The following ZDHHC14 variants were observed in gnomAD, a reference collection of about 807,000 sequenced individuals.
The protein encoded by ZDHHC14 is palmitoyltransferase ZDHHC14.
In ZDHHC14, 16 loss-of-function variants were observed where a neutral mutation model predicts 47.7. The observed-to-expected ratio is 0.34, with a 90% confidence interval of 0.23 to 0.51. ZDHHC14 has a LOEUF of 0.51. Ranked by LOEUF, ZDHHC14 falls within the 20% of genes least tolerant of loss-of-function variation. The probability of loss-of-function intolerance (pLI) is 0.97; values close to 1 mark genes in which losing one functional copy is unlikely to be tolerated. For synonymous variants in ZDHHC14, 293 were observed against 278.9 expected (o/e 1.05, Z -0.50); for missense variants, 515 against 662.5 (o/e 0.78, Z 2.44).
chr6:157,522,085 T>C (rs34061593), intron 1 of ZDHHC14, among the ~76,000 whole-genome samples: 87,210 of 151,750 alleles, frequency 0.57, 25,553 homozygotes, highest in African/African-American at 0.69. Flanking sequence ...TGGTGGTGAA[T>C]TTGCCCTTCT....
intron 2 of ZDHHC14, among the ~76,000 whole-genome samples, chr6:157,591,249 G>T (rs968144576): frequency 6.6e-6 from 1 of 152,180 alleles, no homozygotes; most frequent in African/African-American, 2.4e-5. Flanking sequence ...GAGGACATGA[G>T]ATTTGGGAGG....
chr6:157,555,966 C>T (rs185221084), intron 2 of ZDHHC14, among the ~76,000 whole-genome samples: 497 of 152,246 alleles, frequency 3.3e-3, no homozygotes, highest in African/African-American at 0.011. Context: ...CACGGGAGGC[C>T]TCTGGAGGAC....
chr6:157,591,609 C>T (rs930842322), intron 2 of ZDHHC14, among the ~76,000 whole-genome samples: 6 of 152,164 alleles, frequency 3.9e-5, no homozygotes, highest in African/African-American at 1.4e-4. Context: ...TCAGGTATGT[C>T]TTTATTGGCA....
intron 1 of ZDHHC14, among the ~76,000 whole-genome samples, chr6:157,431,652 T>C (rs1778340509): frequency 6.6e-6 from 1 of 152,142 alleles, no homozygotes; most frequent in Admixed American, 6.5e-5. Context: ...AAATTTGATC[T>C]GAACCAAACA....
chr6:157,592,780 A>G (rs1783963844), intron 2 of ZDHHC14: 1 of 1,378,894 alleles, frequency 7.3e-7, no homozygotes, highest in African/African-American at 1.5e-5. Flanking sequence ...GAGCTCAGTC[A>G]CGTGGCCCCT....
At chr6:157,445,338 C>T (rs1239487190) in intron 1 of ZDHHC14, among the ~76,000 whole-genome samples, 1 of 152,104 alleles carries the variant, frequency 6.6e-6, no homozygotes, top group Non-Finnish European at 1.5e-5. Flanking sequence ...AGACAAGAGC[C>T]ATCACGGTTT....
chr6:157,411,114 G>A (rs1448917312), intron 1 of ZDHHC14, among the ~76,000 whole-genome samples: 1 of 152,168 alleles, frequency 6.6e-6, no homozygotes, highest in Admixed American at 6.5e-5. Flanking sequence ...CCATTTTCTG[G>A]ATCCCACCTT....
intron 1 of ZDHHC14, among the ~76,000 whole-genome samples, chr6:157,429,268 T>C (rs1333140791): frequency 6.6e-6 from 1 of 152,152 alleles, no homozygotes; most frequent in East Asian, 1.9e-4. Context: ...CTGGTCAGAA[T>C]GGAGAATAGA....
intron 1 of ZDHHC14, among the ~76,000 whole-genome samples, chr6:157,416,985 T>TG (rs1416158198): frequency 1.5e-5 from 2 of 133,630 alleles, no homozygotes; most frequent in African/African-American, 2.8e-5. Context: ...TTTTTTTTTT[T>TG]TTTTTTTTTT....
chr6:157,472,471 C>T (rs1028936175), intron 1 of ZDHHC14, among the ~76,000 whole-genome samples: 1 of 152,036 alleles, frequency 6.6e-6, no homozygotes, highest in Admixed American at 6.5e-5. Context: ...GCTGCTTGAC[C>T]TAGTAAATAA....
chr6:157,583,489 G>GTT (rs75893523), intron 2 of ZDHHC14, among the ~76,000 whole-genome samples: 9 of 147,728 alleles, frequency 6.1e-5, no homozygotes, highest in Admixed American at 1.3e-4. Flanking sequence ...TACCAAAGGT[G>GTT]TTTTTTTTTT....
At chr6:157,613,494 T>A (rs550980744) in intron 3 of ZDHHC14, among the ~76,000 whole-genome samples, 53 of 152,302 alleles carry the variant, frequency 3.5e-4, no homozygotes, top group Middle Eastern at 6.8e-3. Flanking sequence ...TCCATTGACT[T>A]ATGCCGGGGT....
At chr6:157,661,414 A>G (rs376411211) in intron 8 of ZDHHC14, among the ~76,000 whole-genome samples, 74 of 152,346 alleles carry the variant, frequency 4.9e-4, no homozygotes, top group South Asian at 2.9e-3. Context: ...TTTTGAAATC[A>G]GCATTCATTA....
chr6:157,466,814 C>A (rs555093495), intron 1 of ZDHHC14, among the ~76,000 whole-genome samples: 1 of 151,488 alleles, frequency 6.6e-6, no homozygotes, highest in Non-Finnish European at 1.5e-5. Context: ...ACAGTCTGGG[C>A]GACAGAGTGA....
At chr6:157,605,046 G>GT (rs1330236919) in intron 3 of ZDHHC14, among the ~76,000 whole-genome samples, 1 of 152,180 alleles carries the variant, frequency 6.6e-6, no homozygotes, top group Non-Finnish European at 1.5e-5. Context: ...GGCAATAAAC[G>GT]TTTCACCAAA....
rs908781944 is a variant in ZDHHC14, at chr6:157,463,182, T to C, written c.246-79403T>C. On this transcript the variant is annotated intron_variant, in intron 1 of 8. Coordinates refer to ENST00000359775, the MANE Select transcript of ZDHHC14 (RefSeq NM_024630.3). This position sits in a 1 kb window ranked among gnomAD's most constrained non-coding sequence, Gnocchi z 4.4. The stretch of plus-strand genomic sequence containing the variant: ...CATGGGAAATGCTTAGTTTGGAAAA[T>C]GAAGACCTGAGAACATAAGAAAATA... Among the ~76,000 whole-genome samples, 1 of 152,124 alleles carries C rather than the reference T, an allele frequency of 6.6e-6. No homozygotes were observed. The highest frequency in any genetic ancestry group is 2.4e-5 in the African/African-American group (1 of 41,412).
chr6:157,665,892 A>G (rs1778532958), intron 8 of ZDHHC14, among the ~76,000 whole-genome samples: 2 of 152,196 alleles, frequency 1.3e-5, no homozygotes, highest in Non-Finnish European at 2.9e-5. Flanking sequence ...GATGGGTGTG[A>G]CCACAGGTGT....
chr6:157,484,324 T>TA (rs1779715247), intron 1 of ZDHHC14, among the ~76,000 whole-genome samples: 1 of 136,936 alleles, frequency 7.3e-6, no homozygotes, highest in Non-Finnish European at 1.6e-5. Context: ...TACACATATA[T>TA]ATACGTATAT....
intron 1 of ZDHHC14, among the ~76,000 whole-genome samples, chr6:157,533,618 G>T (rs1781441780): frequency 6.6e-6 from 1 of 152,186 alleles, no homozygotes; most frequent in Non-Finnish European, 1.5e-5. Context: ...GAGGTCACAG[G>T]AGCCAGATGG....
Sources: allele counts gnomAD v4.1 joint callset (sites outside exome capture counted in the v4.1 genomes callset), GRCh38; gene constraint gnomAD v4.1.1; non-coding constraint Gnocchi (gnomAD v3.1); transcripts MANE v1.5; gene names NCBI Gene and HGNC (gene_info 2026-07-23, HGNC 2026-07-21).